The following MID1 variants were observed in gnomAD, a reference collection of about 807,000 sequenced individuals.
MID1 encodes midline 1.
In MID1, 7 loss-of-function variants were observed where a neutral mutation model predicts 40.4. That is an observed-to-expected ratio of 0.17 (90% CI 0.10 to 0.33). MID1 has a LOEUF of 0.33. Ranked by LOEUF, MID1 falls within the 10% of genes least tolerant of loss-of-function variation. The pLI, the probability that MID1 is intolerant of heterozygous loss-of-function variation, is 1.00. For missense variants in MID1, 367 were observed against 558.5 expected (o/e 0.66, Z 3.46); for synonymous variants, 229 against 221.2 (o/e 1.04, Z -0.31).
intron 1 of MID1, among the ~76,000 whole-genome samples, chrX:10,802,437 T>C (rs1192274673): frequency 1.8e-5 from 2 of 111,214 alleles, no homozygotes; most frequent in African/African-American, 6.5e-5. Context: ...AAATGCTCCA[T>C]CAGAGAAATG....
At chrX:10,536,067 A>C (rs1933238050) in intron 2 of MID1, among the ~76,000 whole-genome samples, 1 of 108,880 alleles carries the variant, frequency 9.2e-6, no homozygotes, top group Non-Finnish European at 1.9e-5. Context: ...AAAAAAAAAA[A>C]ATTAAAAATT....
chrX:10,590,901 ATTTG>A lies in MID1; in HGVS notation c.-56-23302_-56-23299del, dbSNP rs771983475. Among the ~76,000 whole-genome samples the A allele has an allele frequency of 3.4e-3, 379 of 112,262 alleles. 2 individuals carry two copies. Among genetic ancestry groups the A allele is most frequent in the African/African-American group, 0.012 (363 of 30,910 alleles). On this transcript the variant is annotated intron_variant, in intron 1 of 9. Coordinates refer to ENST00000317552, the MANE Select transcript of MID1 (RefSeq NM_000381.4). ...TTGTTGTTATTTTGCTTTGCATCTT[ATTTG>A]TTTATTTAAAATTTAAAGGAAAAAA...
intron 1 of MID1, among the ~76,000 whole-genome samples, chrX:10,703,665 T>TA (rs752362768): frequency 5.4e-5 from 6 of 111,549 alleles, no homozygotes; most frequent in African/African-American, 2.0e-4. Flanking sequence ...AGAGTCTGTT[T>TA]AAAAAAAAGT....
chrX:10,798,540 A>G (rs1424895322), intron 1 of MID1, among the ~76,000 whole-genome samples: 1 of 111,777 alleles, frequency 8.9e-6, no homozygotes, highest in Non-Finnish European at 1.9e-5. Flanking sequence ...TTCTGTTATT[A>G]AATTTATTTT....
At chrX:10,669,021 C>T (rs1337651666) in intron 1 of MID1, among the ~76,000 whole-genome samples, 2 of 108,042 alleles carry the variant, frequency 1.9e-5, no homozygotes, top group Non-Finnish European at 3.8e-5. Context: ...AGATCGAGAC[C>T]ATCCTGGCTA....
At chrX:10,715,432 G>A (rs200516565) in intron 1 of MID1, among the ~76,000 whole-genome samples, 3 of 111,633 alleles carry the variant, frequency 2.7e-5, no homozygotes, top group African/African-American at 9.8e-5. Flanking sequence ...CTACGCCCAC[G>A]GAGCCTCACT....
At chrX:10,495,445 C>T (rs1163199907) in intron 4 of MID1, 139 bp downstream of exon 4, 1 of 522,621 alleles carries the variant, frequency 1.9e-6, no homozygotes. Flanking sequence ...GGCCTTTTAA[C>T]TAAGTCTTAA....
intron 1 of MID1, among the ~76,000 whole-genome samples, chrX:10,638,182 G>T (rs757273746): frequency 2.0e-4 from 22 of 111,860 alleles, no homozygotes; most frequent in African/African-American, 7.1e-4. Flanking sequence ...CAGACAGTGG[G>T]TGCAGCCCAC....
intron 2 of MID1, among the ~76,000 whole-genome samples, chrX:10,537,708 CCAAA>C (rs893068452): frequency 4.5e-5 from 5 of 112,273 alleles, no homozygotes; most frequent in African/African-American, 1.6e-4. Context: ...CATGTTCTAT[CCAAA>C]CAATTATAAT....
intron 1 of MID1, among the ~76,000 whole-genome samples, chrX:10,646,698 G>A (rs941443049): frequency 6.3e-5 from 7 of 111,511 alleles, no homozygotes; most frequent in African/African-American, 2.3e-4. Context: ...TGGTTAGGGG[G>A]AAAAAGAGTA....
Position 10,780,428 on chromosome X carries a change from G to A in MID1, c.-187+53126C>T, listed in dbSNP as rs558286254. On this transcript the variant is annotated intron_variant, in intron 1 of 10. Coordinates refer to the MID1 transcript ENST00000380785. ...CACCAGGGCTCTGATGGTGGGAGGG[G>A]TGTGGAGGTGTGGAGAATTGAAAGT... Among the ~76,000 whole-genome samples the A allele has an allele frequency of 1.5e-4, 17 of 111,838 alleles. No homozygotes were observed. In the South Asian group the frequency reaches 6.4e-3, roughly 42 times the overall value.
chrX:10,667,862 A>G (rs1049812204), intron 1 of MID1, among the ~76,000 whole-genome samples: 2 of 112,298 alleles, frequency 1.8e-5, no homozygotes, highest in Non-Finnish European at 3.8e-5. Context: ...CATGCATTCA[A>G]ATGGAATTAA....
intron 1 of MID1, among the ~76,000 whole-genome samples, chrX:10,600,630 G>T (rs1935502079): frequency 8.9e-6 from 1 of 111,865 alleles, no homozygotes; most frequent in Non-Finnish European, 1.9e-5. Flanking sequence ...TACCCAGGAT[G>T]CATTTCCAGT....
intron 1 of MID1, among the ~76,000 whole-genome samples, chrX:10,615,092 A>C (rs959297336): frequency 2.6e-4 from 29 of 112,080 alleles, no homozygotes; most frequent in Middle Eastern, 9.2e-3. Context: ...AAATCAACTA[A>C]ATTTCACAAT....
intron 1 of MID1, among the ~76,000 whole-genome samples, chrX:10,802,340 A>G (rs1013022440): frequency 1.8e-5 from 2 of 112,082 alleles, no homozygotes; most frequent in African/African-American, 6.5e-5. Context: ...AACATGTAAA[A>G]AAACAAATAA....
chrX:10,486,331 C>G (rs985113380), intron 4 of MID1, among the ~76,000 whole-genome samples: 2 of 112,081 alleles, frequency 1.8e-5, no homozygotes, highest in African/African-American at 6.5e-5. Flanking sequence ...CTGCCTGGTT[C>G]TTGCTCCACC....
chrX:10,700,158 G>T (rs2043186679), intron 1 of MID1, among the ~76,000 whole-genome samples: 2 of 111,596 alleles, frequency 1.8e-5, no homozygotes, highest in Non-Finnish European at 3.8e-5. Context: ...CTGTAATATA[G>T]TTGTAAGGTA....
chrX:10,557,056 T>C (rs1934148038), intron 2 of MID1, among the ~76,000 whole-genome samples: 1 of 111,816 alleles, frequency 8.9e-6, no homozygotes, highest in Non-Finnish European at 1.9e-5. Flanking sequence ...GTTTCCTCAT[T>C]GACATCACTG....
rs9699121 is a variant in MID1, at chrX:10,465,202, T to C, written c.1285+4495A>G. 4.8e-3 allele frequency among the ~76,000 whole-genome samples: 322 copies of C among 66,590 alleles called. 7 individuals are homozygous for C. The highest frequency in any genetic ancestry group is 0.022 in the African/African-American group (299 of 13,408). 57.8% of individuals were successfully genotyped at this position (66,590 alleles called of 115,157 possible). A position where few individuals can be genotyped will look rare whatever the true frequency, so the allele number is the denominator to read the frequency against. ...GTCTGAAATTTTATATATATATATA[T>C]ATATATATATATACACACACACACA... is the stretch of plus-strand genomic sequence containing the variant. On this transcript the variant is annotated intron_variant, in intron 7 of 9. Coordinates refer to ENST00000317552, the MANE Select transcript of MID1 (RefSeq NM_000381.4).
Sources: allele counts gnomAD v4.1 joint callset (sites outside exome capture counted in the v4.1 genomes callset), GRCh38; gene constraint gnomAD v4.1.1; transcripts MANE v1.5; gene names NCBI Gene and HGNC (gene_info 2026-07-23, HGNC 2026-07-21).